RBM28: variants seen among roughly 807,000 people sequenced by gnomAD.
RBM28 encodes the protein RNA-binding protein 28.
RBM28 carries 78 observed loss-of-function variants against 98.3 expected under a neutral mutation model. The observed-to-expected ratio is 0.79, with a 90% CI of 0.66 to 0.96. RBM28 has a LOEUF of 0.96. Ranked by LOEUF, RBM28 falls within the 40% of genes least tolerant of loss-of-function variation. The pLI is 0.00. For missense variants in RBM28, 838 were observed against 913.0 expected (o/e 0.92, Z 1.06); for synonymous variants, 306 against 330.9 (o/e 0.92, Z 0.82).
rs1254361203 is a variant in RBM28 at position 128,307,271 on chromosome 7, T to C, written c.*3526A>G. 3 of 152,178 alleles carry C rather than the reference T, an allele frequency of 2.0e-5. No homozygotes were observed. The highest frequency in any genetic ancestry group is 2.9e-5 in the Non-Finnish European group (2 of 68,032). 9.4% of individuals were successfully genotyped at this position (152,178 alleles called of 1,614,324 possible). On this transcript the variant is annotated 3_prime_UTR_variant, in exon 19 of 19. Coordinates refer to ENST00000223073, the MANE Select transcript of RBM28 (RefSeq NM_018077.3). ...GCCTGTCACTTCACAGTGGGTCACA[T>C]GAATATGAAGCAGAGAACTGGCTGT... is the stretch of plus-strand genomic sequence containing the variant.
intron 9 of RBM28, among the ~76,000 whole-genome samples, chr7:128,331,779 C>T (rs1018616755): frequency 2.1e-4 from 32 of 151,880 alleles, no homozygotes; most frequent in Admixed American, 4.6e-4. Context: ...TCCTCATTTC[C>T]CCAACTATGT....
In RBM28 at chr7:128,339,733, CTG is replaced by C. The variant is rs769040085; in HGVS notation, c.175_176del (p.Gln59GlufsTer10). On this transcript the variant is annotated frameshift_variant, in exon 2 of 19. Transcript: ENST00000223073. LOFTEE classifies it high-confidence loss of function. ...YVTFSMLEDV[Q>X]RALKEITTFE... ...AGGTGGTAATCTCCTTGAGGGCCCT[CTG>C]AACATCTTCCAGCATTGAAAAAGTG... 8.7e-6 allele frequency: 14 copies of C among 1,613,992 alleles called. No individual in the cohort carries two copies. Among genetic ancestry groups the C allele is most frequent in the Non-Finnish European group, 1.2e-5 (14 of 1,179,886 alleles).
intron 14 of RBM28, 72 bp downstream of exon 14, chr7:128,321,194 A>G: frequency 1.3e-6 from 2 of 1,592,388 alleles, no homozygotes; most frequent in Non-Finnish European, 1.7e-6. Context: ...CTGGCACCAC[A>G]GCCTGAGGGA....
intron 1 of RBM28, among the ~76,000 whole-genome samples, chr7:128,340,266 G>A (rs563575085): frequency 1.3e-4 from 20 of 152,324 alleles, no homozygotes; most frequent in African/African-American, 4.8e-4. Flanking sequence ...GACTGGATCA[G>A]AGGACTCTGT....
intron 14 of RBM28, among the ~76,000 whole-genome samples, chr7:128,318,933 C>T (rs1054497402): frequency 1.3e-5 from 2 of 152,218 alleles, no homozygotes; most frequent in Non-Finnish European, 2.9e-5. Context: ...AGGAAAAAGT[C>T]TCTCCAACAT....
At position 128,307,004 on chromosome 7, in the gene RBM28, G is replaced by A. The variant is rs1378437939; in HGVS notation, c.*3793C>T. On this transcript the variant is annotated 3_prime_UTR_variant, in exon 19 of 19. Transcript: ENST00000223073. ...AATAACTTCTAAACTGGTCAGCCTTGGACAAAAGGAAATCTGGAAATCTCG... is the reference window on the plus strand; with the variant it reads ...AATAACTTCTAAACTGGTCAGCCTTAGACAAAAGGAAATCTGGAAATCTCG... 1 of 152,228 alleles carries A rather than the reference G, an allele frequency of 6.6e-6. No individual in the cohort carries two copies. Among genetic ancestry groups the A allele is most frequent in the East Asian group, 1.9e-4 (1 of 5,206 alleles). The allele number at this position is 152,228 out of a possible 1,614,324, so 9.4% of individuals were successfully genotyped here.
chr7:128,336,065 G>T (rs359651), intron 6 of RBM28, 23 bp from the exon 7 acceptor site: 769,745 of 1,583,148 alleles, frequency 0.49, 194,294 homozygotes, highest in African/African-American at 0.79. Flanking sequence ...GTAAAGAAAG[G>T]AGGAATTCAT....
intron 13 of RBM28, among the ~76,000 whole-genome samples, chr7:128,322,752 G>A (rs895995029): frequency 2.6e-5 from 4 of 151,982 alleles, no homozygotes; most frequent in African/African-American, 9.7e-5. Context: ...TTAAGGATGG[G>A]TCTCCAGAGC....
chr7:128,338,658 C>A (rs1796655557), intron 4 of RBM28, 68 bp downstream of exon 4: 2 of 1,107,432 alleles, frequency 1.8e-6, no homozygotes, highest in South Asian at 1.3e-5. Context: ...TCATATATAT[C>A]ATATATGTTT....
In RBM28 at chr7:128,309,757, T is replaced by C. The variant is rs1251102936; in HGVS notation, c.*1040A>G. On this transcript the variant is annotated 3_prime_UTR_variant, in exon 19 of 19. Transcript: ENST00000223073. ...AAGAGCTCCAGGAGGAGGCGACAAC[T>C]AGTGGAGATCTGAGTGACAAGTAAA... 6.6e-6 allele frequency: 1 copy of C among 151,722 alleles called. No homozygotes were observed. The highest frequency in any genetic ancestry group is 2.4e-5 in the African/African-American group (1 of 41,180). The allele number at this position is 151,722 out of a possible 1,614,324, so 9.4% of individuals were successfully genotyped here.
At chr7:128,339,425 GGGTTAA>G in intron 2 of RBM28, 104 bp from the exon 3 acceptor site, 1 of 1,174,564 alleles carries the variant, frequency 8.5e-7, no homozygotes, top group Admixed American at 2.0e-5. Flanking sequence ...ATTTACCACA[GGGTTAA>G]GTGTGGCAAT....
intron 18 of RBM28, among the ~76,000 whole-genome samples, chr7:128,311,292 G>A (rs1795979067): frequency 6.6e-6 from 1 of 152,146 alleles, no homozygotes; most frequent in African/African-American, 2.4e-5. Context: ...CACTGCTCAT[G>A]GGATTTCAGA....
chr7:128,341,140 A>G, intron 1 of RBM28: 1 of 1,288,232 alleles, frequency 7.8e-7, no homozygotes, highest in Non-Finnish European at 1.0e-6. Flanking sequence ...CATAGTTCAT[A>G]TGCTCTGCTT....
At chr7:128,322,489 T>A (rs559031492) in intron 13 of RBM28, among the ~76,000 whole-genome samples, 1 of 152,278 alleles carries the variant, frequency 6.6e-6, no homozygotes, top group African/African-American at 2.4e-5. Context: ...GATCACAAAA[T>A]AAACAAATCC....
intron 17 of RBM28, 131 bp downstream of exon 17, chr7:128,314,633 A>T: frequency 6.9e-7 from 1 of 1,454,546 alleles, no homozygotes; most frequent in Non-Finnish European, 9.6e-7. Context: ...TGTTAACCCC[A>T]TGTGTGGGAA....
chr7:128,331,676 C>T (rs2116370566), intron 9 of RBM28, among the ~76,000 whole-genome samples: 1 of 150,170 alleles, frequency 6.7e-6, no homozygotes, highest in Admixed American at 6.6e-5. Flanking sequence ...TTACTAAGTT[C>T]AAAAAAAGAC....
chr7:128,310,852 A>C lies in RBM28; in HGVS notation c.2225T>G (p.Leu742Trp), dbSNP rs377558765. 13 of 1,614,028 alleles carry C rather than the reference A, an allele frequency of 8.1e-6. No homozygotes were observed. The highest frequency in any genetic ancestry group is 4.5e-5 in the East Asian group (2 of 44,902). ...QLVEQYKQKL[L>W]GPSKGAPLAK... ...AAGAGGTGCTCCTTTAGAAGGTCCC[A>C]ATAATTTCTGCTTATATTGTTCGAC... The change falls in exon 19 of 19, where the codon TTG becomes TGG. Residue 742 changes from leucine to tryptophan, a missense_variant. By Grantham distance (61) the Leu-to-Trp change is moderately conservative. Coordinates refer to ENST00000223073, the MANE Select transcript of RBM28 (RefSeq NM_018077.3).
chr7:128,340,147 G>C (rs1437975689), intron 1 of RBM28, among the ~76,000 whole-genome samples: 1 of 152,124 alleles, frequency 6.6e-6, no homozygotes, highest in African/African-American at 2.4e-5. Context: ...CACCAAAGAA[G>C]GCAGGAAAGG....
rs370157634 is a variant in RBM28 at position 128,343,719 on chromosome 7, A to C, written c.75T>G (p.Ser25Arg). 5 of 1,611,712 alleles carry C rather than the reference A, an allele frequency of 3.1e-6. No homozygotes were observed. The African/African-American group carries it at 6.7e-5, about 22-fold the overall frequency. The change falls in exon 1 of 19, where the codon AGT becomes AGG. Residue 25 changes from serine (S) to arginine (R), a missense_variant. Transcript: ENST00000223073. ...ARSEQLEELF[S>R]QVGPVKQCFV... is the part of the protein sequence containing the mutation. ...AGCACTGCTTCACCGGCCCCACCTG[A>C]CTGAACAGTTCCTCCAGCTGCTCAC... is the stretch of plus-strand genomic sequence containing the variant.
Sources: allele counts gnomAD v4.1 joint callset (sites outside exome capture counted in the v4.1 genomes callset), GRCh38; gene constraint gnomAD v4.1.1; transcripts MANE v1.5; gene names NCBI Gene and HGNC (gene_info 2026-07-23, HGNC 2026-07-21).